Variants in KCNN2 observed in about 807,000 individuals in gnomAD.
KCNN2 encodes potassium calcium-activated channel subfamily N member 2, also known as small conductance calcium-activated potassium channel protein 2.
In KCNN2, 24 loss-of-function variants were observed where a neutral mutation model predicts 55.5. The observed-to-expected ratio is 0.43, with a 90% confidence interval of 0.31 to 0.61. The LOEUF is 0.61. Among genes scored for constraint, KCNN2 ranks in the 20% least tolerant of loss-of-function variants. The pLI, the probability that KCNN2 is intolerant of heterozygous loss-of-function variation, is 0.08. For missense variants in KCNN2, 754 were observed against 853.6 expected (o/e 0.88, Z 1.45); for synonymous variants, 431 against 336.1 (o/e 1.28, Z -3.09).
intron 3 of KCNN2, among the ~76,000 whole-genome samples, chr5:114,431,907 G>T (rs1378820858): frequency 6.6e-6 from 1 of 152,058 alleles, no homozygotes; most frequent in Non-Finnish European, 1.5e-5. Context: ...TTGTGTTTTT[G>T]ATTTCTAGTT....
intron 1 of KCNN2, among the ~76,000 whole-genome samples, chr5:114,066,579 T>C (rs1055210046): frequency 6.6e-6 from 1 of 152,368 alleles, no homozygotes; most frequent in Middle Eastern, 3.4e-3. Flanking sequence ...TTTCTTTTTT[T>C]TCTTTTCTTT....
chr5:114,473,322 G>C, intron 5 of KCNN2, 158 bp downstream of exon 5: 4 of 624,858 alleles, frequency 6.4e-6, no homozygotes, highest in Non-Finnish European at 1.1e-5. Context: ...TTTGAGAATA[G>C]ACTATTTCTA....
chr5:114,068,547 G>A (rs1355227033), intron 1 of KCNN2, among the ~76,000 whole-genome samples: 1 of 152,174 alleles, frequency 6.6e-6, no homozygotes, highest in Non-Finnish European at 1.5e-5. Context: ...CTGCTCTCAT[G>A]TTCTGGGGCA....
intron 2 of KCNN2, among the ~76,000 whole-genome samples, chr5:114,288,983 C>T (rs1192595936): frequency 6.6e-6 from 1 of 151,850 alleles, no homozygotes; most frequent in Non-Finnish European, 1.5e-5. Context: ...TGCTTTTTGC[C>T]CCTTGCTTTG....
intron 1 of KCNN2, among the ~76,000 whole-genome samples, chr5:114,099,979 T>A (rs13171748): frequency 0.19 from 29,204 of 151,910 alleles, 3,034 homozygotes; most frequent in African/African-American, 0.27. Flanking sequence ...TCAATGTATT[T>A]CTTCACAAAT....
chr5:114,476,695 A>C lies in KCNN2; in HGVS notation c.1890+3531A>C, dbSNP rs140340635. Among the ~76,000 whole-genome samples the C allele has an allele frequency of 2.6e-4, 40 of 152,236 alleles. 1 individual carries two copies. The East Asian group carries it at 5.6e-3, about 21-fold the overall frequency. ...CTTAGCCTCCCAAAGTGCTGGGATT[A>C]CAGGCGTGAGCCACCGCACCTGGCC... On this transcript the variant is annotated intron_variant, in intron 5 of 7. Transcript: ENST00000673685.
chr5:114,235,010 C>T (rs1580645751), intron 2 of KCNN2, among the ~76,000 whole-genome samples: 1 of 152,116 alleles, frequency 6.6e-6, no homozygotes, highest in East Asian at 1.9e-4. Flanking sequence ...TTAACAGTTT[C>T]ACAGTTATCC....
chr5:114,411,237 T>C (rs1360110453), intron 3 of KCNN2, among the ~76,000 whole-genome samples: 1 of 152,160 alleles, frequency 6.6e-6, no homozygotes, highest in Admixed American at 6.5e-5. Context: ...TCTTCTATGT[T>C]GTATTATTTT....
chr5:114,266,484 G>A (rs1424375253), intron 2 of KCNN2, among the ~76,000 whole-genome samples: 1 of 152,178 alleles, frequency 6.6e-6, no homozygotes, highest in African/African-American at 2.4e-5. Flanking sequence ...TAGATGCTGG[G>A]TAGTTACTCT....
chr5:114,359,565 G>T (rs548170328), upstream of KCNN2, among the ~76,000 whole-genome samples: 4 of 152,292 alleles, frequency 2.6e-5, no homozygotes, highest in Non-Finnish European at 4.4e-5. Context: ...TTTTTCTTAT[G>T]ACAGTTTAGT....
intron 1 of KCNN2, among the ~76,000 whole-genome samples, chr5:114,192,858 G>T (rs10463657): frequency 0.35 from 53,282 of 151,820 alleles, 10,050 homozygotes; most frequent in East Asian, 0.73. Context: ...TCTACTCTTT[G>T]CCCCCAGCCT....
intron 2 of KCNN2, among the ~76,000 whole-genome samples, chr5:114,260,446 A>T (rs755484075): frequency 6.6e-6 from 1 of 152,048 alleles, no homozygotes. Flanking sequence ...CTTCTTATCA[A>T]TCAGGTCCAA....
upstream of KCNN2, among the ~76,000 whole-genome samples, chr5:114,358,648 G>A (rs1356248142): frequency 2.4e-5 from 3 of 127,600 alleles, no homozygotes; most frequent in Non-Finnish European, 3.5e-5. Context: ...CTTGATCTGC[G>A]TCTTTTTTTT....
chr5:114,435,332 T>C (rs1759966869), intron 3 of KCNN2, among the ~76,000 whole-genome samples: 1 of 152,212 alleles, frequency 6.6e-6, no homozygotes, highest in Non-Finnish European at 1.5e-5. Flanking sequence ...TTGAGGGTGG[T>C]GGTTTGTCTT....
chr5:114,271,247 C>T (rs1240286578), intron 2 of KCNN2, among the ~76,000 whole-genome samples: 1 of 152,064 alleles, frequency 6.6e-6, no homozygotes, highest in African/African-American at 2.4e-5. Flanking sequence ...AGTCCTTTAC[C>T]TAGTCAGAAA....
intron 2 of KCNN2, among the ~76,000 whole-genome samples, chr5:114,380,222 G>T (rs1469773441): frequency 2.0e-5 from 3 of 152,116 alleles, no homozygotes; most frequent in African/African-American, 7.2e-5. Context: ...GAATTTCTGT[G>T]TCAATTGTTG....
At chr5:114,456,725 G>A (rs1283745964) in intron 3 of KCNN2, among the ~76,000 whole-genome samples, 1 of 152,204 alleles carries the variant, frequency 6.6e-6, no homozygotes, top group Non-Finnish European at 1.5e-5. Context: ...TTTGGAAGAA[G>A]TTGATTCTAA....
intron 2 of KCNN2, among the ~76,000 whole-genome samples, chr5:114,274,297 C>T (rs1755435348): frequency 6.6e-6 from 1 of 151,706 alleles, no homozygotes; most frequent in Non-Finnish European, 1.5e-5. Flanking sequence ...TTCTTCTTGC[C>T]CAGGATTGTG....
chr5:114,108,960 T>C (rs1751541639), intron 1 of KCNN2, among the ~76,000 whole-genome samples: 1 of 151,984 alleles, frequency 6.6e-6, no homozygotes, highest in South Asian at 2.1e-4. Context: ...TCCAGAGTGG[T>C]TTATTTATTT....
Sources: gnomAD v4.1 joint callset for allele counts (sites outside exome capture counted in the v4.1 genomes callset) on GRCh38, gnomAD v4.1.1 for gene constraint, MANE v1.5 for transcripts, NCBI Gene and HGNC (gene_info 2026-07-23, HGNC 2026-07-21) for gene names.